The following SFRP4 variants were observed in gnomAD, a reference collection of about 807,000 sequenced individuals.
SFRP4 encodes secreted frizzled related protein 4.
A neutral mutation model predicts 36.3 loss-of-function variants in SFRP4; 25 were observed. The observed-to-expected ratio is 0.69, with a 90% CI of 0.50 to 0.96. The LOEUF (loss-of-function observed/expected upper bound fraction) is 0.96, where lower values mean the gene tolerates loss of function less well. SFRP4 is among the 40% of genes least tolerant of loss of function. The pLI is 0.00. For synonymous variants in SFRP4, 182 were observed against 168.8 expected (o/e 1.08, Z -0.60); for missense variants, 487 against 459.6 (o/e 1.06, Z -0.54).
At position 37,909,539 on chromosome 7, in the gene SFRP4, G is replaced by A. The variant is rs1785448027; in HGVS notation, c.855+78C>T. ...TATGAGAGCTTGGAGATTAGAGAAT[G>A]GGAAGAATTCCCCAACTCTAAAGAA... On this transcript the variant is annotated intron_variant, in intron 5 of 5. Transcript: ENST00000436072. 12 of 793,816 alleles carry A rather than the reference G, an allele frequency of 1.5e-5. No individual in the cohort carries two copies. In the African/African-American group the frequency reaches 1.8e-4, roughly 12 times the overall value. 49.2% of individuals were successfully genotyped at this position (793,816 alleles called of 1,614,324 possible).
intron 3 of SFRP4, among the ~76,000 whole-genome samples, chr7:37,913,146 G>A (rs1270502750): frequency 6.6e-6 from 1 of 152,196 alleles, no homozygotes; most frequent in Admixed American, 6.5e-5. Context: ...TAAATCAGAT[G>A]AGGATGGTAG....
chr7:37,911,668 C>T (rs151317326), intron 4 of SFRP4, among the ~76,000 whole-genome samples: 3 of 151,934 alleles, frequency 2.0e-5, no homozygotes, highest in East Asian at 1.9e-4. Flanking sequence ...TGTGTGCATG[C>T]GTGTTTGTTT....
intron 3 of SFRP4, among the ~76,000 whole-genome samples, chr7:37,913,837 A>T (rs1299999147): frequency 3.9e-5 from 6 of 152,226 alleles, no homozygotes; most frequent in Non-Finnish European, 5.9e-5. Flanking sequence ...AGATAATCAG[A>T]TCCATGGATC....
chr7:37,908,664 T>G (rs1431978891), intron 5 of SFRP4, among the ~76,000 whole-genome samples: 1 of 152,180 alleles, frequency 6.6e-6, no homozygotes, highest in East Asian at 1.9e-4. Context: ...CTTGCCTTCA[T>G]GTATTGATGC....
chr7:37,913,267 G>A (rs1477470158), intron 3 of SFRP4, among the ~76,000 whole-genome samples: 1 of 152,216 alleles, frequency 6.6e-6, no homozygotes, highest in Non-Finnish European at 1.5e-5. Context: ...TGATAGTTTT[G>A]TAACAGCTTA....
At position 37,911,413 on chromosome 7, in the gene SFRP4, A is replaced by G. The variant is rs967030786; in HGVS notation, c.791+706T>C. Among the ~76,000 whole-genome samples the G allele has an allele frequency of 3.9e-5, 6 of 152,210 alleles. No individual in the cohort carries two copies. The South Asian group carries it at 1.2e-3, about 31-fold the overall frequency. On this transcript the variant is annotated intron_variant, in intron 4 of 5. Transcript: ENST00000436072. ...TGATTTTGCTGGAGAAGTATACTGC[A>G]TCAACTTATGGGGCCCAACATGGAG...
chr7:37,907,761 A>T (rs1172201602), intron 5 of SFRP4, 97 bp from the exon 6 acceptor site: 1 of 818,408 alleles, frequency 1.2e-6, no homozygotes, highest in Non-Finnish European at 1.9e-6. Context: ...ACTGTAATAT[A>T]TTAATGACGG....
At chr7:37,915,929 G>A (rs1025595153) in intron 1 of SFRP4, among the ~76,000 whole-genome samples, 164 bp downstream of exon 1, 1 of 151,852 alleles carries the variant, frequency 6.6e-6, no homozygotes, top group African/African-American at 2.4e-5. Context: ...AATTCCTATG[G>A]GAGAAACCAG....
chr7:37,910,285 A>T (rs938893942), intron 4 of SFRP4, among the ~76,000 whole-genome samples: 1 of 152,018 alleles, frequency 6.6e-6, no homozygotes, highest in African/African-American at 2.4e-5. Flanking sequence ...TTAAGGAGAT[A>T]ATTTTTTAAA....
chr7:37,907,908 A>G (rs906514703), intron 5 of SFRP4, among the ~76,000 whole-genome samples: 5 of 152,176 alleles, frequency 3.3e-5, no homozygotes, highest in African/African-American at 1.2e-4. Flanking sequence ...CACCACTGAC[A>G]GGGGCAGGAA....
At position 37,907,319 on chromosome 7, in the gene SFRP4, A is replaced by T; in HGVS notation, c.*160T>A. Reference sequence around the variant, plus strand: ...TGTGATGGCTTACAAAGAAAAACTGAAGCATAGCCTTAAGAAAAATGCTGC... The same window carrying T: ...TGTGATGGCTTACAAAGAAAAACTGTAGCATAGCCTTAAGAAAAATGCTGC... On this transcript the variant is annotated 3_prime_UTR_variant, in exon 6 of 6. Transcript: ENST00000436072. 1 of 588,732 alleles carries T rather than the reference A, an allele frequency of 1.7e-6. No homozygotes were observed. The highest frequency in any genetic ancestry group is 2.9e-6 in the Non-Finnish European group (1 of 341,694). The allele number at this position is 588,732 out of a possible 1,614,324, so 36.5% of individuals were successfully genotyped here. A position where few individuals can be genotyped will look rare whatever the true frequency, so the allele number is the denominator to read the frequency against.
At position 37,912,181 on chromosome 7, in the gene SFRP4, G is replaced by A; in HGVS notation, c.729C>T (p.Cys243=). The A allele has an allele frequency of 6.2e-7, 1 of 1,614,142 alleles. No homozygotes were observed. Among genetic ancestry groups the A allele is most frequent in the South Asian group, 1.1e-5 (1 of 91,080 alleles). ...TQVPLITNSS[C]QCPHILPHQD... ...GATGGGGCAGGATGTGTGGACACTG[G>A]CAAGAAGAATTTGTAATGAGCGGGA... Residue 243 remains cysteine, a synonymous_variant, in exon 4 of 6, where the codon TGC becomes TGT. Transcript: ENST00000436072.
At chr7:37,913,136 T>A (rs1030986353) in intron 3 of SFRP4, among the ~76,000 whole-genome samples, 6 of 152,170 alleles carry the variant, frequency 3.9e-5, no homozygotes, top group African/African-American at 1.4e-4. Context: ...AGGGACTAAG[T>A]AAATCAGATG....
At position 37,906,186 on chromosome 7, in the gene SFRP4, G is replaced by C. The variant is rs1233967480; in HGVS notation, c.*1293C>G. The C allele has an allele frequency of 6.6e-6, 1 of 152,172 alleles. No individual in the cohort carries two copies. Among genetic ancestry groups the C allele is most frequent in the East Asian group, 1.9e-4 (1 of 5,198 alleles). The allele number at this position is 152,172 out of a possible 1,614,324, so 9.4% of individuals were successfully genotyped here. A position where few individuals can be genotyped will look rare whatever the true frequency, so the allele number is the denominator to read the frequency against. ...TTTTATAAGTGCATAAGAAACACCTGGAGAATAATATGCCAAAATACTAAT... is the reference window on the plus strand; with the variant it reads ...TTTTATAAGTGCATAAGAAACACCTCGAGAATAATATGCCAAAATACTAAT... On this transcript the variant is annotated 3_prime_UTR_variant, in exon 6 of 6. Transcript: ENST00000436072.
Position 37,916,744 on chromosome 7 carries a change from C to T in SFRP4, c.-207G>A, listed in dbSNP as rs371969547. The T allele has an allele frequency of 2.7e-6, 2 of 750,178 alleles. No individual in the cohort carries two copies. The highest frequency in any genetic ancestry group is 2.7e-5 in the East Asian group (1 of 36,724). 46.5% of individuals were successfully genotyped at this position (750,178 alleles called of 1,614,324 possible). On this transcript the variant is annotated 5_prime_UTR_variant, in exon 1 of 6. Coordinates refer to ENST00000436072, the MANE Select transcript of SFRP4 (RefSeq NM_003014.4). The surrounding 1 kb of genome is among the most constrained non-coding windows in gnomAD (Gnocchi z 4.1). ...TCTGGCACACAGGGCACGAGCAGCG[C>T]CAGCTCTCAGCCTTCGGGGCGCGAA...
Position 37,916,472 on chromosome 7 carries a change from C to T in SFRP4, c.66G>A (p.Ala22=), listed in dbSNP as rs745347850. ...TAGGGATGCGCACCGCCTCGCAGGG[C>T]GCGCCGCGCACGCCCAGCGCCAGGT... ...WLHLALGVRG[A]PCEAVRIPMC... The change falls in exon 1 of 6, where the codon GCG becomes GCA. Residue 22 remains alanine (A), a synonymous_variant. Coordinates refer to ENST00000436072, the MANE Select transcript of SFRP4 (RefSeq NM_003014.4). This position sits in a 1 kb window ranked among gnomAD's most constrained non-coding sequence, Gnocchi z 4.1. The T allele has an allele frequency of 6.2e-6, 10 of 1,613,046 alleles. No homozygotes were observed. The African/African-American group carries it at 1.2e-4, about 19-fold the overall frequency.
intron 4 of SFRP4, 135 bp downstream of exon 4, chr7:37,911,984 A>G: frequency 3.3e-6 from 2 of 603,330 alleles, no homozygotes; most frequent in Non-Finnish European, 5.8e-6. Flanking sequence ...CTATTCAAAC[A>G]GAGGCATCTG....
Position 37,916,007 on chromosome 7 carries a change from G to T in SFRP4, c.445+86C>A, listed in dbSNP as rs768698779. The T allele has an allele frequency of 3.3e-6, 5 of 1,523,806 alleles. No individual in the cohort carries two copies. The highest frequency in any genetic ancestry group is 4.4e-6 in the Non-Finnish European group (5 of 1,135,826). The allele number at this position is 1,523,806 out of a possible 1,614,324, so 94.4% of individuals were successfully genotyped here. ...CTACAAGCCTCAGACGCCCCTGGCAGCCTTAGGTGTGGCCGCCCAGTTCTC... is the reference window on the plus strand; with the variant it reads ...CTACAAGCCTCAGACGCCCCTGGCATCCTTAGGTGTGGCCGCCCAGTTCTC... On this transcript the variant is annotated intron_variant, in intron 1 of 5. Transcript: ENST00000436072. The surrounding 1 kb of genome is among the most constrained non-coding windows in gnomAD (Gnocchi z 4.1).
In SFRP4 at chr7:37,907,640, G is replaced by C; in HGVS notation, c.880C>G (p.Gln294Glu). The change falls in exon 6 of 6, where the codon CAG becomes GAG. Residue 294 changes from glutamine (Q) to glutamate (E), a missense_variant. By Grantham distance (29) the Gln-to-Glu change is conservative. Coordinates refer to ENST00000436072, the MANE Select transcript of SFRP4 (RefSeq NM_003014.4). ...TTCTTGTCCTGAACTGTTCTCCGCTGTTCCTGCAGCCTCTCTTCCCACTGC... is the reference window on the plus strand; with the variant it reads ...TTCTTGTCCTGAACTGTTCTCCGCTCTTCCTGCAGCCTCTCTTCCCACTGC... ...SIQWEERLQE[Q>E]RRTVQDKKKT... The C allele has an allele frequency of 6.2e-7, 1 of 1,611,344 alleles. No individual in the cohort carries two copies. The highest frequency in any genetic ancestry group is 8.5e-7 in the Non-Finnish European group (1 of 1,178,996).
Sources: allele counts gnomAD v4.1 joint callset (sites outside exome capture counted in the v4.1 genomes callset), GRCh38; gene constraint gnomAD v4.1.1; non-coding constraint Gnocchi (gnomAD v3.1); transcripts MANE v1.5; gene names NCBI Gene and HGNC (gene_info 2026-07-23, HGNC 2026-07-21).